Variants in SEC11A observed in about 807,000 individuals in gnomAD.
SEC11A encodes signal peptidase complex catalytic subunit SEC11A.
SEC11A carries 14 observed loss-of-function variants against 25.6 expected under a neutral mutation model. That is an observed-to-expected ratio of 0.55 (90% CI 0.36 to 0.85). SEC11A has a LOEUF of 0.85. Ranked by LOEUF, SEC11A falls within the 40% of genes least tolerant of loss-of-function variation. SEC11A has a pLI of 0.01. For missense variants in SEC11A, 153 were observed against 222.9 expected, an observed-to-expected ratio of 0.69 and a Z score of 2.00; for synonymous variants, 83 against 76.4, an observed-to-expected ratio of 1.09 and a Z score of -0.45.
intron 1 of SEC11A, among the ~76,000 whole-genome samples, chr15:84,706,132 C>G (rs1048496838): frequency 5.9e-5 from 9 of 151,884 alleles, no homozygotes. Flanking sequence ...GTCTCGAACT[C>G]CTGACCTCAG....
At position 84,670,774 on chromosome 15, in the gene SEC11A, G is replaced by C. The variant is rs767939107; in HGVS notation, c.440C>G (p.Pro147Arg). 7.0e-5 allele frequency: 101 copies of C among 1,449,626 alleles called. 1 individual carries two copies. Among genetic ancestry groups the C allele is most frequent in the African/African-American group, 1.4e-5 (1 of 69,996 alleles). 89.8% of individuals were successfully genotyped at this position (1,449,626 alleles called of 1,614,324 possible). A position where few individuals can be genotyped will look rare whatever the true frequency, so the allele number is the denominator to read the frequency against. ...GAGGATCGTCACAATTCCAATATAA[G>C]GAACAAATCTAAAACAAACAAAAAA... ...DVVGRARGFV[P>R]YIGIVTILMN... is the part of the protein sequence containing the mutation. The change falls in exon 5 of 6, where the codon CCT becomes CGT. Residue 147 changes from proline (P) to arginine (R), a missense_variant. Physicochemically the swap from Pro to Arg is moderately radical, Grantham distance 103. Coordinates refer to ENST00000268220, the MANE Select transcript of SEC11A (RefSeq NM_014300.4).
At chr15:84,677,023 G>T (rs1232767915) in intron 4 of SEC11A, among the ~76,000 whole-genome samples, 1 of 151,666 alleles carries the variant, frequency 6.6e-6, no homozygotes, top group Non-Finnish European at 1.5e-5. Context: ...CCTGGGAGGT[G>T]GAGGTTGCAG....
intron 1 of SEC11A, among the ~76,000 whole-genome samples, chr15:84,711,258 C>T (rs1028190285): frequency 3.3e-5 from 5 of 151,330 alleles, no homozygotes; most frequent in African/African-American, 7.3e-5. Flanking sequence ...GTCACTGGCC[C>T]GTAGTCCCAG....
intron 1 of SEC11A, among the ~76,000 whole-genome samples, chr15:84,694,773 C>A (rs1897710697): frequency 6.6e-6 from 1 of 151,504 alleles, no homozygotes; most frequent in Admixed American, 6.6e-5. Context: ...GACCAGAAAG[C>A]AAGACCTTTA....
intron 3 of SEC11A, 121 bp from the exon 4 acceptor site, chr15:84,680,953 C>T (rs772302759): frequency 3.7e-5 from 28 of 761,618 alleles, no homozygotes; most frequent in South Asian, 5.6e-5. Flanking sequence ...ATTCTAGTGT[C>T]GAAATAATTA....
At chr15:84,694,333 C>A (rs1408653202) in intron 1 of SEC11A, among the ~76,000 whole-genome samples, 1 of 150,676 alleles carries the variant, frequency 6.6e-6, no homozygotes, top group Non-Finnish European at 1.5e-5. Context: ...CCAGCCTGGG[C>A]AACTGAGCAA....
At chr15:84,686,916 A>G (rs1461028802) in intron 3 of SEC11A, 1 of 152,242 alleles carries the variant, frequency 6.6e-6, no homozygotes, top group Non-Finnish European at 1.5e-5. Flanking sequence ...TCTGTCGCCC[A>G]GGCTGGAGTG....
At chr15:84,676,241 G>T (rs1897129188) in intron 4 of SEC11A, among the ~76,000 whole-genome samples, 1 of 151,806 alleles carries the variant, frequency 6.6e-6, no homozygotes, top group Non-Finnish European at 1.5e-5. Context: ...TTTTTAGTGT[G>T]CAGCTGTTAA....
At chr15:84,674,846 C>T (rs1169081309) in intron 4 of SEC11A, among the ~76,000 whole-genome samples, 1 of 152,208 alleles carries the variant, frequency 6.6e-6, no homozygotes, top group Non-Finnish European at 1.5e-5. Flanking sequence ...AAGCGTGAGC[C>T]ACCACACACA....
chr15:84,710,780 T>C (rs966708031), intron 1 of SEC11A, among the ~76,000 whole-genome samples: 2 of 152,160 alleles, frequency 1.3e-5, no homozygotes, highest in Non-Finnish European at 2.9e-5. Flanking sequence ...TAAATAGGTT[T>C]TTCTGCACAC....
At chr15:84,697,600 G>C (rs974553511) in intron 1 of SEC11A, among the ~76,000 whole-genome samples, 23 of 152,196 alleles carry the variant, frequency 1.5e-4, no homozygotes, top group African/African-American at 5.5e-4. Context: ...AGATTGAAAA[G>C]TGTCATACTC....
chr15:84,703,611 C>T (rs906689356), intron 1 of SEC11A, among the ~76,000 whole-genome samples: 1 of 152,126 alleles, frequency 6.6e-6, no homozygotes, highest in Non-Finnish European at 1.5e-5. Flanking sequence ...GAAGAGAAAT[C>T]CTCCCAATGG....
chr15:84,701,810 C>A (rs1897951536), intron 1 of SEC11A, among the ~76,000 whole-genome samples: 1 of 152,146 alleles, frequency 6.6e-6, no homozygotes, highest in Non-Finnish European at 1.5e-5. Context: ...TGGCTCACAC[C>A]TGTAATCCCA....
intron 1 of SEC11A, among the ~76,000 whole-genome samples, chr15:84,692,614 G>C (rs1187174306): frequency 1.3e-5 from 2 of 152,030 alleles, no homozygotes; most frequent in African/African-American, 4.8e-5. Flanking sequence ...CGTGGAAAAA[G>C]GCAAAAAATA....
Position 84,714,226 on chromosome 15 carries a change from G to A in SEC11A, c.51+1799C>T, listed in dbSNP as rs1898385958. 2.6e-5 allele frequency among the ~76,000 whole-genome samples: 4 copies of A among 152,052 alleles called. No homozygotes were observed. The South Asian group carries it at 8.3e-4, about 32-fold the overall frequency. Reference sequence around the variant, plus strand: ...AGAGGGGGTTTCACCATGTTGGCCAGGATGGTCTCAATCTCTTGACATTGT... The same window carrying A: ...AGAGGGGGTTTCACCATGTTGGCCAAGATGGTCTCAATCTCTTGACATTGT... On this transcript the variant is annotated intron_variant, in intron 1 of 5. Coordinates refer to ENST00000268220, the MANE Select transcript of SEC11A (RefSeq NM_014300.4).
chr15:84,670,755 C>A lies in SEC11A; in HGVS notation c.459G>T (p.Thr153=), dbSNP rs1209394133. 1 of 1,458,176 alleles carries A rather than the reference C, an allele frequency of 6.9e-7. No individual in the cohort carries two copies. Among genetic ancestry groups the A allele is most frequent in the Non-Finnish European group, 9.4e-7 (1 of 1,066,356 alleles). 90.3% of individuals were successfully genotyped at this position (1,458,176 alleles called of 1,614,324 possible). Residue 153 remains threonine, a synonymous_variant, in exon 5 of 6, where the codon ACG becomes ACT. Transcript: ENST00000268220. The part of the protein sequence containing the change: ...RGFVPYIGIV[T]ILMNDYPKFK... ...ATTTAGGATAGTCATTCATGAGGAT[C>A]GTCACAATTCCAATATAAGGAACAA... is the stretch of plus-strand genomic sequence containing the variant.
chr15:84,691,566 C>A lies in SEC11A; in HGVS notation c.130G>T (p.Gly44Ter). 1 of 1,611,504 alleles carries A rather than the reference C, an allele frequency of 6.2e-7. No individual in the cohort carries two copies. Among genetic ancestry groups the A allele is most frequent in the Non-Finnish European group, 8.5e-7 (1 of 1,178,252 alleles). ...ACCACTACAATCGGACTTTCACTTCCAGTTATTACCATTAACCCCTTCCAG... is the reference window on the plus strand; with the variant it reads ...ACCACTACAATCGGACTTTCACTTCAAGTTATTACCATTAACCCCTTCCAG... ...MIWKGLMVIT[G>*]SESPIVVVLS... The change falls in exon 2 of 6, where the codon GGA (glycine) becomes TGA (stop). Residue 44 changes from glycine (G) to a stop codon, truncating the protein, a stop_gained. Coordinates refer to ENST00000268220, the MANE Select transcript of SEC11A (RefSeq NM_014300.4). LOFTEE classifies it high-confidence loss of function.
intron 2 of SEC11A, among the ~76,000 whole-genome samples, chr15:84,687,988 C>T (rs1897481016): frequency 6.6e-6 from 1 of 152,156 alleles, no homozygotes; most frequent in Non-Finnish European, 1.5e-5. Context: ...TTAACCTTCA[C>T]TAACTAGTTC....
At chr15:84,715,952 T>TCCGCCGGGCC in intron 1 of SEC11A, 73 bp downstream of exon 1, 1 of 1,418,552 alleles carries the variant, frequency 7.0e-7, no homozygotes, top group South Asian at 1.2e-5. Flanking sequence ...AACCCTGGGG[T>TCCGCCGGGCC]CCGCCGGGCC....
Sources: gnomAD v4.1 joint callset for allele counts (sites outside exome capture counted in the v4.1 genomes callset) on GRCh38, gnomAD v4.1.1 for gene constraint, MANE v1.5 for transcripts, NCBI Gene and HGNC (gene_info 2026-07-23, HGNC 2026-07-21) for gene names.